PRPF18: variants seen among roughly 807,000 people sequenced by gnomAD.
PRPF18 encodes the protein pre-mRNA-splicing factor 18.
In PRPF18, 38 loss-of-function variants were observed where a neutral mutation model predicts 46.5. The ratio of observed to expected loss-of-function variants is 0.82; its 90% confidence interval spans 0.63 to 1.07. The LOEUF is 1.07. Among genes scored for constraint, PRPF18 ranks in the 50% least tolerant of loss-of-function variants. The pLI is 0.00. For synonymous variants in PRPF18, 152 were observed against 146.7 expected (o/e 1.04, Z -0.26); for missense variants, 263 against 410.0 (o/e 0.64, Z 3.10).
intron 9 of PRPF18, among the ~76,000 whole-genome samples, chr10:13,619,185 G>C (rs555604629): frequency 3.9e-4 from 59 of 152,356 alleles, no homozygotes; most frequent in African/African-American, 1.4e-3. Context: ...CCCATTGCCT[G>C]ACTGGCCACG....
the PRPF18 span, chr10:13,638,497 C>G: frequency 1.1e-4 from 17 of 152,104 alleles, no homozygotes; most frequent in African/African-American, 3.9e-4. Context: ...CTGTACCCCG[C>G]AAGCTGGAGA....
chr10:13,602,724 T>C (rs2080130745), intron 3 of PRPF18, among the ~76,000 whole-genome samples: 1 of 152,210 alleles, frequency 6.6e-6, no homozygotes, highest in Non-Finnish European at 1.5e-5. Context: ...TTACATATTT[T>C]AGAATTCTGT....
chr10:13,608,486 A>G (rs564906668), intron 4 of PRPF18, among the ~76,000 whole-genome samples: 3 of 152,322 alleles, frequency 2.0e-5, no homozygotes, highest in African/African-American at 7.2e-5. Flanking sequence ...CAACACTAGC[A>G]GTTGCTTTCA....
chr10:13,614,870 G>A (rs1160303171), intron 8 of PRPF18, among the ~76,000 whole-genome samples: 2 of 152,310 alleles, frequency 1.3e-5, no homozygotes, highest in African/African-American at 2.4e-5. Flanking sequence ...GGCACTAGGA[G>A]TAGAGCATTT....
chr10:13,649,735 AGCCTTT>A, the PRPF18 span: 9 of 152,332 alleles, frequency 5.9e-5, no homozygotes, highest in African/African-American at 1.9e-4. Context: ...TGCTCAGCTA[AGCCTTT>A]GCCTTTCAGT....
intron 9 of PRPF18, among the ~76,000 whole-genome samples, chr10:13,626,021 GT>G (rs767390949): frequency 4.5e-4 from 68 of 152,344 alleles, no homozygotes; most frequent in Non-Finnish European, 8.5e-4. Flanking sequence ...ACATTTCCCT[GT>G]TTTGTAAGTG....
intron 9 of PRPF18, among the ~76,000 whole-genome samples, chr10:13,624,919 T>G (rs535698094): frequency 1.5e-4 from 23 of 152,246 alleles, no homozygotes; most frequent in African/African-American, 5.3e-4. Flanking sequence ...CACCTAAGAT[T>G]CATCAGACAT....
intron 1 of PRPF18, among the ~76,000 whole-genome samples, chr10:13,593,983 A>G (rs2502217): frequency 2.6e-5 from 4 of 152,212 alleles, no homozygotes; most frequent in Admixed American, 6.5e-5. Flanking sequence ...GGTTTTTGCC[A>G]GCATTGTTTT....
chr10:13,587,439 A>G (rs1247869688), intron 1 of PRPF18, among the ~76,000 whole-genome samples: 1 of 152,226 alleles, frequency 6.6e-6, no homozygotes, highest in Non-Finnish European at 1.5e-5. Context: ...CCTGAGGCCA[A>G]TTAACGCCCA....
intron 1 of PRPF18, among the ~76,000 whole-genome samples, chr10:13,595,201 A>T (rs1465880217): frequency 6.6e-6 from 1 of 152,182 alleles, no homozygotes; most frequent in East Asian, 1.9e-4. Context: ...AACGGGGCAC[A>T]TAATGTCTTA....
intron 6 of PRPF18, 54 bp from the exon 7 acceptor site, chr10:13,613,687 T>G: frequency 6.4e-7 from 1 of 1,556,218 alleles, no homozygotes; most frequent in Non-Finnish European, 8.7e-7. Context: ...AGCATTTAGA[T>G]GTACTGAACC....
intron 1 of PRPF18, among the ~76,000 whole-genome samples, chr10:13,594,305 A>G (rs1210018339): frequency 6.6e-6 from 1 of 152,236 alleles, no homozygotes; most frequent in Non-Finnish European, 1.5e-5. Context: ...TTCTCTCTCC[A>G]GTCTGTTGCT....
chr10:13,588,236 G>T lies in PRPF18; in HGVS notation c.66+1084G>T, dbSNP rs371342197. Reference sequence around the variant, plus strand: ...AGCCTGGCAAACATGGTGAAACCCCGTCTCTACTAAAAACACCAAAATTAG... The same window carrying T: ...AGCCTGGCAAACATGGTGAAACCCCTTCTCTACTAAAAACACCAAAATTAG... On this transcript the variant is annotated intron_variant, in intron 1 of 9. Coordinates refer to ENST00000378572, the MANE Select transcript of PRPF18 (RefSeq NM_003675.4). 4.5e-4 allele frequency among the ~76,000 whole-genome samples: 68 copies of T among 152,100 alleles called. No individual in the cohort carries two copies. The South Asian group carries it at 0.011, about 26-fold the overall frequency.
At chr10:13,644,397 C>T in the PRPF18 span, 2 of 152,200 alleles carry the variant, frequency 1.3e-5, no homozygotes, top group Admixed American at 1.3e-4. Context: ...AAAGGACTAA[C>T]GTTTTATGTA....
chr10:13,603,082 G>A (rs541063916), intron 3 of PRPF18, among the ~76,000 whole-genome samples: 1 of 152,324 alleles, frequency 6.6e-6, no homozygotes, highest in Admixed American at 6.5e-5. Flanking sequence ...AAAAGACGAC[G>A]TAGTTTTAAG....
At chr10:13,654,239 A>G in the PRPF18 span, 1 of 623,172 alleles carries the variant, frequency 1.6e-6, no homozygotes, top group Non-Finnish European at 2.9e-6. Flanking sequence ...AGGCACAGCC[A>G]GGAAAAGGAG....
At chr10:13,599,135 A>G (rs1003442992) in intron 2 of PRPF18, among the ~76,000 whole-genome samples, 1 of 152,140 alleles carries the variant, frequency 6.6e-6, no homozygotes, top group Non-Finnish European at 1.5e-5. Flanking sequence ...CTTTCTAAAG[A>G]TTTTTAAAGA....
chr10:13,650,262 C>CTGGGGTTGT, the PRPF18 span, among the ~76,000 whole-genome samples: 2 of 152,180 alleles, frequency 1.3e-5, no homozygotes, highest in Non-Finnish European at 2.9e-5. Context: ...GTGGCACATA[C>CTGGGGTTGT]TGGGGTTGTT....
chr10:13,597,652 ATGAG>A, intron 2 of PRPF18, 117 bp downstream of exon 2: 1 of 1,603,618 alleles, frequency 6.2e-7, no homozygotes, highest in Non-Finnish European at 8.5e-7. Context: ...TAGCCTATAA[ATGAG>A]AAGCCATCTG....
Sources: allele counts gnomAD v4.1 joint callset (sites outside exome capture counted in the v4.1 genomes callset), GRCh38; gene constraint gnomAD v4.1.1; transcripts MANE v1.5; gene names NCBI Gene and HGNC (gene_info 2026-07-23, HGNC 2026-07-21).